Variants in DRC8 observed in about 807,000 individuals in gnomAD.
The protein encoded by DRC8 is dynein regulatory complex protein 8.
the DRC8 span, among the ~76,000 whole-genome samples, chr1:245,025,796 C>T: frequency 6.6e-6 from 1 of 152,268 alleles, no homozygotes; most frequent in South Asian, 2.1e-4. Flanking sequence ...AGGTTTTTCC[C>T]ATGCTGTTCT....
the DRC8 span, among the ~76,000 whole-genome samples, chr1:244,993,122 A>G: frequency 6.6e-6 from 1 of 152,244 alleles, no homozygotes; most frequent in East Asian, 1.9e-4. Context: ...ATCTTTTATA[A>G]CATAATCTCA....
chr1:244,981,205 CA>C, the DRC8 span, among the ~76,000 whole-genome samples: 1,908 of 149,524 alleles, frequency 0.013, 41 homozygotes, highest in African/African-American at 0.045. Flanking sequence ...ACCCCACCGC[CA>C]AAAAAAAATG....
At chr1:245,055,495 A>T in the DRC8 span, among the ~76,000 whole-genome samples, 660 of 151,992 alleles carry the variant, frequency 4.3e-3, 1 homozygote, top group African/African-American at 0.015. Context: ...AATTTTTAAA[A>T]TTTTTTGTAG....
chr1:245,074,220 A>C, the DRC8 span, among the ~76,000 whole-genome samples: 1 of 152,338 alleles, frequency 6.6e-6, no homozygotes, highest in East Asian at 1.9e-4. Flanking sequence ...TTGCTTAATC[A>C]CAACCAAGAA....
the DRC8 span, among the ~76,000 whole-genome samples, chr1:244,993,198 G>C: frequency 2.6e-5 from 4 of 152,162 alleles, no homozygotes; most frequent in African/African-American, 9.7e-5. Context: ...TATAATATCA[G>C]TGGTGACTGC....
chr1:244,991,117 G>A, the DRC8 span, among the ~76,000 whole-genome samples: 12 of 152,240 alleles, frequency 7.9e-5, no homozygotes, highest in East Asian at 2.3e-3. Context: ...ACAAATTGGG[G>A]GTTTCCATAA....
the DRC8 span, among the ~76,000 whole-genome samples, chr1:245,011,804 A>G: frequency 1.3e-5 from 2 of 152,268 alleles, no homozygotes; most frequent in Admixed American, 6.5e-5. Context: ...AGAACATTCC[A>G]AAGACTTTAA....
chr1:244,970,667 C>CT, the DRC8 span: 2 of 393,890 alleles, frequency 5.1e-6, no homozygotes, highest in Non-Finnish European at 4.2e-6. Context: ...CCTCTCTCCC[C>CT]CGCCCCGCCC....
At chr1:245,034,017 G>A in the DRC8 span, among the ~76,000 whole-genome samples, 2 of 151,842 alleles carry the variant, frequency 1.3e-5, no homozygotes, top group Admixed American at 6.6e-5. Flanking sequence ...CACCACAGCC[G>A]GCATCTTTTG....
the DRC8 span, among the ~76,000 whole-genome samples, chr1:245,010,672 T>G: frequency 1.4e-5 from 2 of 146,282 alleles, no homozygotes; most frequent in Non-Finnish European, 3.0e-5. Context: ...TGAGTATCCC[T>G]TTTTCTTTCT....
the DRC8 span, chr1:245,083,293 C>T: frequency 2.8e-6 from 2 of 705,462 alleles, no homozygotes; most frequent in Non-Finnish European, 4.9e-6. Context: ...GTTTCATCCC[C>T]AAACCATCCC....
the DRC8 span, among the ~76,000 whole-genome samples, chr1:244,997,865 A>T: frequency 6.6e-6 from 1 of 151,874 alleles, no homozygotes; most frequent in African/African-American, 2.4e-5. Flanking sequence ...TGTCATCTTA[A>T]TCATTTTCTG....
the DRC8 span, among the ~76,000 whole-genome samples, chr1:245,035,879 A>AAAAG: frequency 6.6e-6 from 1 of 151,660 alleles, no homozygotes; most frequent in Non-Finnish European, 1.5e-5. Context: ...AAAAAAAAAA[A>AAAAG]AAGAAGAAGA....
the DRC8 span, among the ~76,000 whole-genome samples, chr1:244,976,193 T>C: frequency 1.3e-5 from 2 of 151,892 alleles, no homozygotes; most frequent in Non-Finnish European, 2.9e-5. Context: ...TGCTTGAACC[T>C]GGGGGATGGA....
At chr1:245,082,186 A>T in the DRC8 span, 1 of 1,566,102 alleles carries the variant, frequency 6.4e-7, no homozygotes, top group South Asian at 1.1e-5. Context: ...TGCAATTGTT[A>T]AGGCAAAGTA....
At chr1:245,001,479 T>C in the DRC8 span, among the ~76,000 whole-genome samples, 1 of 152,186 alleles carries the variant, frequency 6.6e-6, no homozygotes, top group Non-Finnish European at 1.5e-5. Context: ...GCAGAGCTTA[T>C]AGATCTATAT....
the DRC8 span, among the ~76,000 whole-genome samples, chr1:245,019,008 C>T: frequency 1.3e-5 from 2 of 152,166 alleles, no homozygotes; most frequent in African/African-American, 4.8e-5. Context: ...TTCAGGCTTC[C>T]TGACAGTAGC....
chr1:245,000,669 T>C, the DRC8 span, among the ~76,000 whole-genome samples: 2 of 151,946 alleles, frequency 1.3e-5, no homozygotes, highest in Admixed American at 1.3e-4. Context: ...TAGTCCCAGC[T>C]ACTCTGGAGG....
chr1:245,079,347 C>T, the DRC8 span, among the ~76,000 whole-genome samples: 1 of 152,130 alleles, frequency 6.6e-6, no homozygotes, highest in South Asian at 2.1e-4. Context: ...GTAAAAACAA[C>T]AATAACAAAG....
Sources: gnomAD v4.1 joint callset for allele counts (sites outside exome capture counted in the v4.1 genomes callset) on GRCh38, gnomAD v4.1.1 for gene constraint, MANE v1.5 for transcripts, NCBI Gene and HGNC (gene_info 2026-07-23, HGNC 2026-07-21) for gene names.